MSRA: variants seen among roughly 807,000 people sequenced by gnomAD.
The protein encoded by MSRA is methionine sulfoxide reductase A, also known as mitochondrial peptide methionine sulfoxide reductase.
In MSRA, 54 loss-of-function variants were observed where a neutral mutation model predicts 31.3. The ratio of observed to expected loss-of-function variants is 1.73; its 90% CI spans 1.39 to 2.17. The LOEUF (loss-of-function observed/expected upper bound fraction) is 2.17. Ranked by LOEUF, MSRA falls within the 30% of genes most tolerant of loss-of-function variation. The pLI, the probability that MSRA is intolerant of heterozygous loss-of-function variation, is 0.00. For missense variants in MSRA, 507 were observed against 300.9 expected, an observed-to-expected ratio of 1.69 and a Z score of -5.07; for synonymous variants, 169 against 116.5, an observed-to-expected ratio of 1.45 and a Z score of -2.90.
At chr8:10,416,363 G>A (rs757801993) in intron 5 of MSRA, among the ~76,000 whole-genome samples, 1 of 152,136 alleles carries the variant, frequency 6.6e-6, no homozygotes, top group African/African-American at 2.4e-5. Context: ...CAACCCTTCG[G>A]TATCACACCC....
chr8:10,234,971 A>T (rs1811827191), intron 2 of MSRA, among the ~76,000 whole-genome samples: 1 of 152,134 alleles, frequency 6.6e-6, no homozygotes, highest in Non-Finnish European at 1.5e-5. Flanking sequence ...TCACAATCAC[A>T]GGAGGAAATT....
At chr8:10,184,435 G>T (rs771019830) in intron 1 of MSRA, among the ~76,000 whole-genome samples, 1 of 152,002 alleles carries the variant, frequency 6.6e-6, no homozygotes, top group African/African-American at 2.4e-5. Flanking sequence ...CTCTCTAGAT[G>T]TAAAAGGTTT....
intron 1 of MSRA, among the ~76,000 whole-genome samples, chr8:10,175,233 T>A (rs900929048): frequency 6.6e-6 from 1 of 152,204 alleles, no homozygotes; most frequent in African/African-American, 2.4e-5. Context: ...CCAGCCTGTC[T>A]CGGTCATTCC....
intron 1 of MSRA, among the ~76,000 whole-genome samples, chr8:10,173,205 A>G (rs1805750546): frequency 6.6e-6 from 1 of 152,246 alleles, no homozygotes; most frequent in Admixed American, 6.5e-5. Flanking sequence ...CTTTAGCTTT[A>G]CAGTGAGAAG....
intron 3 of MSRA, among the ~76,000 whole-genome samples, chr8:10,265,331 T>C (rs1053184641): frequency 6.6e-6 from 1 of 152,086 alleles, no homozygotes; most frequent in African/African-American, 2.4e-5. Context: ...GGGGGGAGAT[T>C]GAGGTAGGAC....
At chr8:10,232,280 G>T (rs780506752) in intron 2 of MSRA, among the ~76,000 whole-genome samples, 19 of 152,234 alleles carry the variant, frequency 1.2e-4, no homozygotes, top group Non-Finnish European at 2.5e-4. Context: ...ACTCTGACAA[G>T]ACAGACTGCT....
intron 1 of MSRA, among the ~76,000 whole-genome samples, chr8:10,091,595 G>A (rs1798855156): frequency 6.6e-6 from 1 of 151,372 alleles, no homozygotes; most frequent in Non-Finnish European, 1.5e-5. Flanking sequence ...GAGATTGCTG[G>A]ATCATATGGT....
At chr8:10,353,559 G>C in intron 5 of MSRA, 1 of 455,502 alleles carries the variant, frequency 2.2e-6, no homozygotes, top group Admixed American at 2.4e-5. Flanking sequence ...TCTGTAACGA[G>C]ATGCAATTTT....
chr8:10,363,933 C>T (rs1002509493), intron 5 of MSRA, among the ~76,000 whole-genome samples: 1 of 151,982 alleles, frequency 6.6e-6, no homozygotes, highest in African/African-American at 2.4e-5. Context: ...CCTGTAACAA[C>T]AAAACAACAA....
At chr8:10,361,838 C>G (rs1255926431) in intron 5 of MSRA, among the ~76,000 whole-genome samples, 1 of 152,096 alleles carries the variant, frequency 6.6e-6, no homozygotes, top group Non-Finnish European at 1.5e-5. Flanking sequence ...TTTAAAATTT[C>G]AACTTTTTGA....
chr8:10,120,054 A>C (rs1800991983), intron 1 of MSRA, among the ~76,000 whole-genome samples: 3 of 152,084 alleles, frequency 2.0e-5, no homozygotes, highest in Non-Finnish European at 2.9e-5. Context: ...CCACTGCCAA[A>C]CTGTGGAAAG....
chr8:10,178,849 T>G (rs1378546056), intron 1 of MSRA, among the ~76,000 whole-genome samples: 2 of 152,304 alleles, frequency 1.3e-5, no homozygotes, highest in East Asian at 3.9e-4. Flanking sequence ...TCCTGTGATT[T>G]GAGAACTACA....
intron 2 of MSRA, among the ~76,000 whole-genome samples, chr8:10,210,674 C>A (rs1178378402): frequency 6.6e-6 from 1 of 152,040 alleles, no homozygotes; most frequent in African/African-American, 2.4e-5. Flanking sequence ...TTGTTTAGAC[C>A]CGTTCTTCAG....
At chr8:10,308,567 T>G (rs1233341108) in intron 4 of MSRA, among the ~76,000 whole-genome samples, 1 of 152,204 alleles carries the variant, frequency 6.6e-6, no homozygotes. Flanking sequence ...GTTGCCCGAT[T>G]TCTTTGGGAT....
intron 5 of MSRA, among the ~76,000 whole-genome samples, chr8:10,405,618 G>A (rs1198049961): frequency 6.6e-6 from 1 of 152,190 alleles, no homozygotes; most frequent in East Asian, 1.9e-4. Flanking sequence ...CTTTACCACT[G>A]GATGCTGATC....
At chr8:10,315,494 G>T (rs778340455) in intron 4 of MSRA, among the ~76,000 whole-genome samples, 1 of 152,184 alleles carries the variant, frequency 6.6e-6, no homozygotes, top group Non-Finnish European at 1.5e-5. Flanking sequence ...ACACTTAACT[G>T]TGCGTATCTA....
chr8:10,405,266 C>A (rs752305755), intron 5 of MSRA, among the ~76,000 whole-genome samples: 11 of 152,108 alleles, frequency 7.2e-5, no homozygotes, highest in Non-Finnish European at 1.0e-4. Flanking sequence ...GCTGCAGGAT[C>A]AGAGTATTGC....
intron 1 of MSRA, among the ~76,000 whole-genome samples, chr8:10,184,173 G>C (rs1336029148): frequency 6.6e-6 from 1 of 151,848 alleles, no homozygotes; most frequent in African/African-American, 2.4e-5. Flanking sequence ...TGGTGTTATT[G>C]TTGATGGTGT....
Position 10,251,868 on chromosome 8 carries a change from G to A in MSRA, c.331+6645G>A, listed in dbSNP as rs905754690. On this transcript the variant is annotated intron_variant, in intron 3 of 5. Transcript: ENST00000317173. ...TCTGAAGGGTTGACATGGTGGGGGG[G>A]GGGGGACATAGGTCATGGGGACGTC... is the stretch of plus-strand genomic sequence containing the variant. 3.3e-5 allele frequency among the ~76,000 whole-genome samples: 5 copies of A among 151,768 alleles called. No individual in the cohort carries two copies. In the East Asian group the frequency reaches 7.7e-4, roughly 23 times the overall value.
Sources: allele counts gnomAD v4.1 joint callset (sites outside exome capture counted in the v4.1 genomes callset), GRCh38; gene constraint gnomAD v4.1.1; transcripts MANE v1.5; gene names NCBI Gene and HGNC (gene_info 2026-07-23, HGNC 2026-07-21).